The following TCEAL4 variants were observed in gnomAD, a reference collection of about 807,000 sequenced individuals.
TCEAL4 encodes the protein transcription elongation factor A protein-like 4.
TCEAL4 carries 1 observed loss-of-function variant against 1.3 expected under a neutral mutation model. The observed-to-expected ratio is 0.79, with a 90% CI of 0.28 to 3.76. TCEAL4 has a LOEUF of 3.76. TCEAL4 is among the 30% of genes most tolerant of loss of function. TCEAL4 has a pLI of 0.18. For missense variants in TCEAL4, 129 were observed against 154.7 expected, an observed-to-expected ratio of 0.83 and a Z score of 0.88; for synonymous variants, 54 against 50.7, an observed-to-expected ratio of 1.06 and a Z score of -0.28.
At chrX:103,583,338 T>C (rs1569389676), upstream of TCEAL4, among the ~76,000 whole-genome samples, 1 of 112,063 alleles carries the variant, frequency 8.9e-6, no homozygotes, top group African/African-American at 3.2e-5. Context: ...GAAATATCAT[T>C]TGACTGAGCA....
chrX:103,582,469 A>G (rs2073512619), upstream of TCEAL4, among the ~76,000 whole-genome samples: 1 of 112,395 alleles, frequency 8.9e-6, no homozygotes, highest in Admixed American at 9.4e-5. Flanking sequence ...AGCAAATAGA[A>G]CAAAGTTGGA....
chrX:103,586,842 A>G lies in TCEAL4; in HGVS notation c.167A>G (p.Glu56Gly), dbSNP rs776571310. The change falls in exon 3 of 3, where the codon GAG becomes GGG. Residue 56 changes from glutamate (E) to glycine (G), a missense_variant. Transcript: ENST00000472484. Reference sequence around the variant, plus strand: ...GAAAACAAGGGCAAAACAGGAGATGAGGAAATGTTAAAGGATAAAGGAAAG... The same window carrying G: ...GAAAACAAGGGCAAAACAGGAGATGGGGAAATGTTAAAGGATAAAGGAAAG... Reference protein sequence around the residue: ...KTENKGKTGDEEMLKDKGKPE... With the variant: ...KTENKGKTGDGEMLKDKGKPE... 1.7e-6 allele frequency: 2 copies of G among 1,201,171 alleles called. No homozygotes were observed. Among genetic ancestry groups the G allele is most frequent in the South Asian group, 1.8e-5 (1 of 55,648 alleles).
chrX:103,584,840 C>T (rs769000622), upstream of TCEAL4, among the ~76,000 whole-genome samples: 59 of 112,477 alleles, frequency 5.2e-4, no homozygotes, highest in Non-Finnish European at 8.4e-4. Context: ...TAGAGGCAAG[C>T]ATCCTATGTG....
chrX:103,577,161 T>C (rs766893267), exon 2 of TCEAL4: 1 of 1,167,156 alleles, frequency 8.6e-7, no homozygotes, highest in Non-Finnish European at 1.1e-6. Context: ...AAAGGTCACA[T>C]ATCATATGTG....
At position 103,587,035 on chromosome X, in the gene TCEAL4, T is replaced by G. The variant is rs771285046; in HGVS notation, c.360T>G (p.Asp120Glu). 1 of 1,210,677 alleles carries G rather than the reference T, an allele frequency of 8.3e-7. No individual in the cohort carries two copies. Among genetic ancestry groups the G allele is most frequent in the East Asian group, 3.0e-5 (1 of 33,791 alleles). Reference protein sequence around the residue: ...TRAAGKRPAEDDVPRKAKRKT... With the variant: ...TRAAGKRPAEEDVPRKAKRKT... The stretch of plus-strand genomic sequence containing the variant: ...CTGCAGGAAAGCGCCCAGCTGAGGA[T>G]GATGTACCCAGGAAAGCCAAAAGAA... Residue 120 changes from aspartate (D) to glutamate (E), a missense_variant, in exon 3 of 3, where the codon GAT (aspartate) becomes GAG (glutamate). Asp to Glu is a conservative substitution (Grantham distance 45, BLOSUM62 2). Around this residue, in one of 2 missense-constraint regions of TCEAL4, gnomAD observed 116 missense variants for 120.3 expected, o/e 0.96. Coordinates refer to ENST00000472484, the MANE Select transcript of TCEAL4 (RefSeq NM_001006935.3).
At chrX:103,579,146 T>C (rs911202829) in intron 2 of TCEAL4, among the ~76,000 whole-genome samples, 3 of 112,666 alleles carry the variant, frequency 2.7e-5, no homozygotes, top group Admixed American at 9.4e-5. Context: ...GGCTTATTTC[T>C]GGACTCTCAA....
In TCEAL4 at chrX:103,586,806, A is replaced by T. The variant is rs2073555651; in HGVS notation, c.131A>T (p.Glu44Val). 1 of 1,208,118 alleles carries T rather than the reference A, an allele frequency of 8.3e-7. No homozygotes were observed. Among genetic ancestry groups the T allele is most frequent in the African/African-American group, 1.7e-5 (1 of 57,168 alleles). The change falls in exon 3 of 3, where the codon GAG (glutamate) becomes GTG (valine). Residue 44 changes from glutamate to valine, a missense_variant. Glu to Val is a moderately radical substitution (Grantham distance 121). This residue lies in a region of TCEAL4 where 116 missense variants were observed against 120.3 expected (regional missense o/e 0.96). Transcript: ENST00000472484. ...CTLEDKKLEN[E>V]GKTENKGKTG... ...CTGGAAGACAAGAAGTTAGAAAACG[A>T]GGGAAAGACAGAAAACAAGGGCAAA...
chrX:103,585,655 G>C (rs957384613), intron 1 of TCEAL4, 31 bp downstream of exon 1: 21 of 1,165,538 alleles, frequency 1.8e-5, no homozygotes, highest in Non-Finnish European at 2.4e-5. Flanking sequence ...CGCTGCCAGC[G>C]GAACACTGGA....
At position 103,585,522 on chromosome X, in the gene TCEAL4, C is replaced by G; in HGVS notation, c.-203C>G. 1 of 1,146,766 alleles carries G rather than the reference C, an allele frequency of 8.7e-7. No homozygotes were observed. Among genetic ancestry groups the G allele is most frequent in the Non-Finnish European group, 1.2e-6 (1 of 860,222 alleles). The allele number at this position is 1,146,766 out of a possible 1,213,427, so 94.5% of individuals were successfully genotyped here. On this transcript the variant is annotated 5_prime_UTR_variant, in exon 1 of 3. Transcript: ENST00000472484. ...GCGGCATTCACGTGATCTGCACGGG[C>G]GCAGATGTAGGCACCGGTCCGAGTG...
chrX:103,578,102 A>G (rs1219936589), intron 2 of TCEAL4, among the ~76,000 whole-genome samples: 1 of 112,425 alleles, frequency 8.9e-6, no homozygotes, highest in Non-Finnish European at 1.9e-5. Context: ...AATATGTAAT[A>G]ATTTGTGACT....
At position 103,586,829 on chromosome X, in the gene TCEAL4, A is replaced by G; in HGVS notation, c.154A>G (p.Lys52Glu). ...CGAGGGAAAGACAGAAAACAAGGGC[A>G]AAACAGGAGATGAGGAAATGTTAAA... ...ENEGKTENKG[K>E]TGDEEMLKDK... The change falls in exon 3 of 3, where the codon AAA (lysine) becomes GAA (glutamate). Residue 52 changes from lysine (K) to glutamate (E), a missense_variant. Transcript: ENST00000472484. 1 of 1,206,318 alleles carries G rather than the reference A, an allele frequency of 8.3e-7. No individual in the cohort carries two copies. The highest frequency in any genetic ancestry group is 1.1e-6 in the Non-Finnish European group (1 of 892,487).
intron 2 of TCEAL4, among the ~76,000 whole-genome samples, chrX:103,578,406 G>A (rs1045041805): frequency 2.7e-5 from 3 of 111,856 alleles, no homozygotes; most frequent in African/African-American, 9.7e-5. Flanking sequence ...TTAACATTTT[G>A]AGGAACTGCC....
rs921087726 is a variant in TCEAL4, at chrX:103,586,486, G to A, written c.-27-163G>A. On this transcript the variant is annotated intron_variant, in intron 2 of 2. Coordinates refer to ENST00000472484, the MANE Select transcript of TCEAL4 (RefSeq NM_001006935.3). ...GGCTCACGTGTGTGGGAGGAGTGGC[G>A]GGCTACGTGGTGGGCAGAAGGCCCT... 37 of 816,845 alleles carry A rather than the reference G, an allele frequency of 4.5e-5. No homozygotes were observed. In the East Asian group the frequency reaches 7.3e-4, roughly 16 times the overall value. The allele number at this position is 816,845 out of a possible 1,213,427, so 67.3% of individuals were successfully genotyped here.
At chrX:103,579,251 A>T (rs1361204169) in intron 2 of TCEAL4, among the ~76,000 whole-genome samples, 1 of 111,691 alleles carries the variant, frequency 9.0e-6, no homozygotes, top group African/African-American at 3.2e-5. Flanking sequence ...CCTTTTTTTT[A>T]AATATTGTTT....
chrX:103,580,999 T>G (rs1603159175), upstream of TCEAL4, among the ~76,000 whole-genome samples: 1 of 111,228 alleles, frequency 9.0e-6, no homozygotes, highest in Non-Finnish European at 1.9e-5. Context: ...GCCAGACTAA[T>G]GAATAAAAGA....
Position 103,577,139 on chromosome X carries a change from T to TG in TCEAL4, c.110dup (p.Cys37TrpfsTer21), listed in dbSNP as rs1387991159. The TG allele has an allele frequency of 1.0e-5, 12 of 1,165,491 alleles. No individual in the cohort carries two copies. Among genetic ancestry groups the TG allele is most frequent in the Non-Finnish European group, 1.4e-5 (12 of 872,881 alleles). On this transcript the variant is annotated frameshift_variant, in exon 2 of 5. Transcript: ENST00000372629. LOFTEE classifies it high-confidence loss of function. ...AAGAGACAAAGTCCACATCTGTCAA[T>TG]GCGAAGAATGGAAAGGTCACATATC...
intron 2 of TCEAL4, among the ~76,000 whole-genome samples, chrX:103,577,540 C>T (rs1229452876): frequency 1.8e-5 from 2 of 111,663 alleles, no homozygotes; most frequent in South Asian, 7.5e-4. Flanking sequence ...CCACCCTCTA[C>T]ATTATATGTA....
intron 2 of TCEAL4, 168 bp downstream of exon 2, chrX:103,586,459 C>G (rs1185829759): frequency 4.8e-6 from 4 of 826,145 alleles, no homozygotes; most frequent in Non-Finnish European, 5.1e-6. Context: ...CAGGCAATGG[C>G]TGGCTCACGT....
rs756411923 is a variant in TCEAL4, at chrX:103,587,529, C to G, written c.*206C>G. On this transcript the variant is annotated 3_prime_UTR_variant, in exon 3 of 3. Coordinates refer to ENST00000472484, the MANE Select transcript of TCEAL4 (RefSeq NM_001006935.3). ...ACTTGCAGAACCAAATATATGGCATCAGTACATTTTTGTAAAACTACAAAG... is the reference window on the plus strand; with the variant it reads ...ACTTGCAGAACCAAATATATGGCATGAGTACATTTTTGTAAAACTACAAAG... The G allele has an allele frequency of 7.8e-6, 3 of 382,483 alleles. No individual in the cohort carries two copies. The highest frequency in any genetic ancestry group is 5.3e-5 in the Admixed American group (1 of 18,786). 31.5% of individuals were successfully genotyped at this position (382,483 alleles called of 1,213,427 possible).
Sources: gnomAD v4.1 joint callset for allele counts (sites outside exome capture counted in the v4.1 genomes callset) on GRCh38, gnomAD v4.1.1 for gene constraint, gnomAD v4.1.1 regional missense constraint, MANE v1.5 for transcripts, NCBI Gene and HGNC (gene_info 2026-07-23, HGNC 2026-07-21) for gene names.